GATA3: variants seen among roughly 807,000 people sequenced by gnomAD.
GATA3 encodes the protein GATA binding protein 3, also known as trans-acting T-cell-specific transcription factor GATA-3.
A neutral mutation model predicts 36.0 loss-of-function variants in GATA3; 6 were observed. The ratio of observed to expected loss-of-function variants is 0.17; its 90% CI spans 0.09 to 0.33. The LOEUF is 0.33. GATA3 is among the 10% of genes least tolerant of loss of function. The pLI is 1.00. For missense variants in GATA3, 514 were observed against 610.1 expected (o/e 0.84, Z 1.66); for synonymous variants, 326 against 273.0 (o/e 1.19, Z -1.92).
intron 3 of GATA3, among the ~76,000 whole-genome samples, chr10:8,061,612 AAAG>A (rs1037700912): frequency 1.1e-4 from 17 of 152,364 alleles, no homozygotes; most frequent in African/African-American, 3.1e-4. Flanking sequence ...AGCAAGGAAA[AAAG>A]AAGAAGAAAA....
chr10:8,057,182 C>T (rs536434009), intron 2 of GATA3, among the ~76,000 whole-genome samples: 1 of 152,346 alleles, frequency 6.6e-6, no homozygotes, highest in African/African-American at 2.4e-5. Context: ...AGAGAACTCT[C>T]TTTCCCTCTC....
intron 4 of GATA3, among the ~76,000 whole-genome samples, chr10:8,068,715 T>G (rs546688722): frequency 6.6e-6 from 1 of 152,292 alleles, no homozygotes; most frequent in Non-Finnish European, 1.5e-5. Context: ...ATCGCACCAC[T>G]GCACTCCAGC....
intron 2 of GATA3, among the ~76,000 whole-genome samples, chr10:8,056,352 C>G (rs1323121399): frequency 6.6e-6 from 1 of 152,174 alleles, no homozygotes; most frequent in Non-Finnish European, 1.5e-5. Context: ...CTAGCTCTTT[C>G]TAGGCGGGTG....
chr10:8,054,074 T>G (rs1429991406), upstream of GATA3, among the ~76,000 whole-genome samples: 2 of 152,080 alleles, frequency 1.3e-5, no homozygotes, highest in Admixed American at 1.3e-4. The surrounding 1 kb of genome is among the most constrained non-coding windows in gnomAD (Gnocchi z 4.2). Flanking sequence ...ACGCGGACGC[T>G]CCAGTCAAAG....
intron 1 of GATA3, among the ~76,000 whole-genome samples, chr10:8,047,127 G>A (rs1832401246): frequency 6.6e-6 from 1 of 152,242 alleles, no homozygotes. Flanking sequence ...GCGCAGAGAA[G>A]GGATGGGAGT....
At chr10:8,062,427 G>T (rs1207276153) in intron 3 of GATA3, among the ~76,000 whole-genome samples, 2 of 151,164 alleles carry the variant, frequency 1.3e-5, no homozygotes, top group Admixed American at 6.6e-5. Context: ...GACTTTCAAG[G>T]GTGCAAGACC....
Position 8,055,946 on chromosome 10 carries a change from C to A in GATA3, c.241+50C>A. ...CTCCCGCCGGCCGCTTCAGCCGTCC[C>A]GGCTCGGGGAGGTCGGGAGGGACCT... On this transcript the variant is annotated intron_variant, in intron 2 of 5. Transcript: ENST00000379328. The surrounding 1 kb of genome is among the most constrained non-coding windows in gnomAD (Gnocchi z 5.4). 1 of 1,549,210 alleles carries A rather than the reference C, an allele frequency of 6.5e-7. No homozygotes were observed. The highest frequency in any genetic ancestry group is 8.7e-7 in the Non-Finnish European group (1 of 1,146,078).
At chr10:8,069,664 C>T (rs1169283788) in intron 5 of GATA3, 66 bp downstream of exon 5, 7 of 1,576,050 alleles carry the variant, frequency 4.4e-6, no homozygotes, top group African/African-American at 4.1e-5. Flanking sequence ...ACAGCGTCAC[C>T]ACCACCCTCT....
At chr10:8,050,864 T>A (rs970271571), upstream of GATA3, 2 of 443,120 alleles carry the variant, frequency 4.5e-6, no homozygotes, top group Non-Finnish European at 9.0e-6. Flanking sequence ...ATTAGTAACT[T>A]TAGGACTTCG....
chr10:8,062,518 C>T (rs184720607), intron 3 of GATA3, among the ~76,000 whole-genome samples: 1 of 152,066 alleles, frequency 6.6e-6, no homozygotes, highest in East Asian at 1.9e-4. Context: ...TGTGAACCCC[C>T]CTAGTTCCCT....
chr10:8,051,211 C>A (rs546143756), upstream of GATA3: 76 of 441,486 alleles, frequency 1.7e-4, 2 homozygotes, highest in South Asian at 1.2e-3. Flanking sequence ...GGTAGCTTAA[C>A]CCCTACCGAG....
In GATA3 at chr10:8,055,795, T is replaced by G. The variant is rs1486813889; in HGVS notation, c.140T>G (p.Val47Gly). ...DAAQYPLPEE[V>G]DVLFNIDGQG... is the part of the protein sequence containing the mutation. ...GCGCAGTACCCGCTGCCGGAGGAGGTGGATGTGCTTTTTAACATCGACGGT... is the reference window on the plus strand; with the variant it reads ...GCGCAGTACCCGCTGCCGGAGGAGGGGGATGTGCTTTTTAACATCGACGGT... Residue 47 changes from valine (V) to glycine (G), a missense_variant, in exon 2 of 6, where the codon GTG becomes GGG. Val to Gly is a moderately radical substitution (Grantham distance 109, BLOSUM62 -3). Coordinates refer to ENST00000379328, the MANE Select transcript of GATA3 (RefSeq NM_001002295.2). This position sits in a 1 kb window ranked among gnomAD's most constrained non-coding sequence, Gnocchi z 5.4. 1.3e-6 allele frequency: 2 copies of G among 1,590,770 alleles called. No homozygotes were observed. Among genetic ancestry groups the G allele is most frequent in the South Asian group, 1.1e-5 (1 of 87,402 alleles).
At chr10:8,046,821 C>G (rs939417793) in intron 1 of GATA3, among the ~76,000 whole-genome samples, 3 of 152,020 alleles carry the variant, frequency 2.0e-5, no homozygotes, top group Admixed American at 6.6e-5. Context: ...CATAGGGGGT[C>G]TGATTATGGA....
intron 3 of GATA3, among the ~76,000 whole-genome samples, chr10:8,063,212 C>G (rs980791777): frequency 1.6e-4 from 25 of 152,278 alleles, no homozygotes; most frequent in African/African-American, 6.0e-4. Flanking sequence ...CCTCCCAAAC[C>G]TTCCCTTTTC....
upstream of GATA3, among the ~76,000 whole-genome samples, chr10:8,048,904 G>T (rs545259307): frequency 6.6e-6 from 1 of 151,968 alleles, no homozygotes; most frequent in Non-Finnish European, 1.5e-5. Context: ...TGGTAGTGGC[G>T]GTGGGAGGGT....
At chr10:8,053,907 C>G (rs1001134058), upstream of GATA3, 1 of 152,522 alleles carries the variant, frequency 6.6e-6, no homozygotes, top group East Asian at 1.9e-4. This position sits in a 1 kb window ranked among gnomAD's most constrained non-coding sequence, Gnocchi z 5.1. Context: ...TCCCCTCCCC[C>G]CTTCTCATCC....
rs896073066 is a variant in GATA3 at position 8,072,202 on chromosome 10, G to T, written c.1051-1537G>T. ...AGGTGACCTCTCCCAGCTCAGCTTC[G>T]GGAAGCTGGGTGTTGGCTGCTCTCA... On this transcript the variant is annotated intron_variant, in intron 5 of 5. Transcript: ENST00000379328. Among the ~76,000 whole-genome samples the T allele has an allele frequency of 2.6e-5, 4 of 152,154 alleles. No homozygotes were observed. In the South Asian group the frequency reaches 8.3e-4, roughly 32 times the overall value.
intron 2 of GATA3, 76 bp from the exon 3 acceptor site, chr10:8,058,229 C>A: frequency 6.6e-7 from 1 of 1,506,776 alleles, no homozygotes; most frequent in Non-Finnish European, 9.2e-7. Context: ...TAGAGATTCC[C>A]CAGGTGTCCC....
At chr10:8,048,858 C>A (rs1279493795), upstream of GATA3, among the ~76,000 whole-genome samples, 1 of 152,036 alleles carries the variant, frequency 6.6e-6, no homozygotes, top group Non-Finnish European at 1.5e-5. Context: ...ATTTTTATCT[C>A]GCTACAATCA....
Sources: gnomAD v4.1 joint callset for allele counts (sites outside exome capture counted in the v4.1 genomes callset) on GRCh38, gnomAD v4.1.1 for gene constraint, Gnocchi (gnomAD v3.1) non-coding constraint, MANE v1.5 for transcripts, NCBI Gene and HGNC (gene_info 2026-07-23, HGNC 2026-07-21) for gene names.